The following DDX20 variants were observed in gnomAD, a reference collection of about 807,000 sequenced individuals.
DDX20 encodes the protein probable ATP-dependent RNA helicase DDX20.
DDX20 carries 61 observed loss-of-function variants against 76.4 expected under a neutral mutation model. That is an observed-to-expected ratio of 0.80 (90% CI 0.65 to 0.99). The LOEUF (loss-of-function observed/expected upper bound fraction) is 0.99. Among genes scored for constraint, DDX20 ranks in the 50% least tolerant of loss-of-function variants. DDX20 has a pLI of 0.00. For missense variants in DDX20, 976 were observed against 996.8 expected, an observed-to-expected ratio of 0.98 and a Z score of 0.28; for synonymous variants, 357 against 357.4, an observed-to-expected ratio of 1.00 and a Z score of 0.01.
chr1:111,756,277 C>T, intron 1 of DDX20, 52 bp downstream of exon 1: 2 of 1,361,330 alleles, frequency 1.5e-6, no homozygotes, highest in Non-Finnish European at 1.9e-6. Context: ...AGAAGGGGGA[C>T]CGACGGGCGG....
intron 10 of DDX20, 96 bp from the exon 11 acceptor site, chr1:111,765,641 T>A: frequency 1.9e-6 from 2 of 1,034,820 alleles, no homozygotes; most frequent in Non-Finnish European, 1.4e-6. Context: ...GTTTCTTAAA[T>A]GTATTTGATC....
At chr1:111,762,559 C>T (rs991526100) in intron 8 of DDX20, 118 bp from the exon 9 acceptor site, 7 of 941,748 alleles carry the variant, frequency 7.4e-6, no homozygotes, top group South Asian at 3.2e-5. Context: ...TTTTCCTCTG[C>T]TCCTCAGTAT....
chr1:111,756,659 A>G lies in DDX20; in HGVS notation c.315A>G (p.Gln105=), dbSNP rs1175215655. The G allele has an allele frequency of 3.1e-6, 5 of 1,613,998 alleles. No individual in the cohort carries two copies. Among genetic ancestry groups the G allele is most frequent in the Admixed American group, 3.3e-5 (2 of 60,008 alleles). The change falls in exon 2 of 11, where the codon CAA becomes CAG. Residue 105 remains glutamine, a synonymous_variant. Coordinates refer to ENST00000369702, the MANE Select transcript of DDX20 (RefSeq NM_007204.5). ...TTTCCTTCGCAGATTTAATTGTTCA[A>G]GCTAAATCTGGCACCGGGAAAACCT... ...LGRCGLDLIV[Q]AKSGTGKTCV... is the part of the protein sequence containing the mutation.
chr1:111,762,179 T>C, intron 7 of DDX20, 76 bp from the exon 8 acceptor site: 1 of 1,212,462 alleles, frequency 8.2e-7, no homozygotes, highest in South Asian at 1.3e-5. Context: ...GTGTTATGCT[T>C]TTTACTTTTT....
chr1:111,761,204 C>T, intron 6 of DDX20, 22 bp from the exon 7 acceptor site: 23 of 1,612,074 alleles, frequency 1.4e-5, no homozygotes, highest in Non-Finnish European at 2.0e-5. Context: ...AAATTTGTAA[C>T]CATTTATGTT....
Position 111,766,263 on chromosome 1 carries a change from C to T in DDX20, c.1839C>T (p.Ile613=). Residue 613 remains isoleucine, a synonymous_variant, in exon 11 of 11, where the codon ATC becomes ATT. Transcript: ENST00000369702. ...KEGLEKPVEI[I]RHYTGPGDQT... is the part of the protein sequence containing the mutation. The stretch of plus-strand genomic sequence containing the variant: ...GGTTAGAGAAACCTGTGGAAATCAT[C>T]AGGCACTACACAGGCCCTGGGGATC... 6.2e-7 allele frequency: 1 copy of T among 1,614,134 alleles called. No homozygotes were observed.
At position 111,759,710 on chromosome 1, in the gene DDX20, C is replaced by T. The variant is rs529750977; in HGVS notation, c.565+142C>T. ...GAAGAGCAGGCCGGGCGCGGTGGCT[C>T]ACGCCTGTAATCCCAGCACTTTGGG... On this transcript the variant is annotated intron_variant, in intron 3 of 10. Transcript: ENST00000369702. 26 of 888,476 alleles carry T rather than the reference C, an allele frequency of 2.9e-5. No homozygotes were observed. In the African/African-American group the frequency reaches 4.1e-4, roughly 14 times the overall value. The allele number at this position is 888,476 out of a possible 1,614,324, so 55.0% of individuals were successfully genotyped here.
At position 111,766,098 on chromosome 1, in the gene DDX20, C is replaced by CTGAA. The variant is rs1663772883; in HGVS notation, c.1674_1675insTGAA (p.Asn559Ter). 1 of 1,614,052 alleles carries CTGAA rather than the reference C, an allele frequency of 6.2e-7. No individual in the cohort carries two copies. The highest frequency in any genetic ancestry group is 8.5e-7 in the Non-Finnish European group (1 of 1,180,046). On this transcript the variant is annotated stop_gained and frameshift_variant, in exon 11 of 11. Coordinates refer to ENST00000369702, the MANE Select transcript of DDX20 (RefSeq NM_007204.5). LOFTEE classifies it high-confidence loss of function. Reference sequence around the variant, plus strand: ...TTCAGACTCCCGTTGAAAACTCCACCAACAGTCAGCACCAGGTCAAAGAAG... The same window carrying CTGAA: ...TTCAGACTCCCGTTGAAAACTCCACCTGAAAACAGTCAGCACCAGGTCAAAGAAG...
intron 3 of DDX20, among the ~76,000 whole-genome samples, chr1:111,760,146 A>G (rs1663642962): frequency 6.6e-6 from 1 of 152,180 alleles, no homozygotes; most frequent in Non-Finnish European, 1.5e-5. Flanking sequence ...AGGCCCTTCT[A>G]AGCCATGGAT....
intron 1 of DDX20, 98 bp from the exon 2 acceptor site, chr1:111,756,548 G>A (rs1663558762): frequency 1.0e-5 from 10 of 1,000,146 alleles, no homozygotes; most frequent in Non-Finnish European, 1.5e-5. Flanking sequence ...GCCAACTAGG[G>A]GAATCTCAGG....
Position 111,765,965 on chromosome 1 carries a change from A to G in DDX20, c.1541A>G (p.Gln514Arg), listed in dbSNP as rs766690097. ...GTCAAATCAAAAAATAATACCAAAC[A>G]AAAGCTTCCTGTGAAAAGCCACTCA... is the stretch of plus-strand genomic sequence containing the variant. ...LSVKSKNNTK[Q>R]KLPVKSHSEC... is the part of the protein sequence containing the mutation. Residue 514 changes from glutamine to arginine, a missense_variant, in exon 11 of 11, where the codon CAA (glutamine) becomes CGA (arginine). By Grantham distance (43) the Gln-to-Arg change is conservative. Transcript: ENST00000369702. The G allele has an allele frequency of 6.2e-7, 1 of 1,613,638 alleles. No individual in the cohort carries two copies. Among genetic ancestry groups the G allele is most frequent in the East Asian group, 2.2e-5 (1 of 44,886 alleles).
chr1:111,766,036 T>C lies in DDX20; in HGVS notation c.1612T>C (p.Cys538Arg), dbSNP rs553678470. Residue 538 changes from cysteine (C) to arginine (R), a missense_variant, in exon 11 of 11, where the codon TGT becomes CGT. Physicochemically the swap from Cys to Arg is radical, Grantham distance 180. Transcript: ENST00000369702. ...AGCAACGTCACCAAAAGAACTGGGCTGTGACAGGCAATCCGAAGAGCAAAT... is the reference window on the plus strand; with the variant it reads ...AGCAACGTCACCAAAAGAACTGGGCCGTGACAGGCAATCCGAAGAGCAAAT... Reference protein sequence around the residue: ...EKATSPKELGCDRQSEEQMKN... With the variant: ...EKATSPKELGRDRQSEEQMKN... The C allele has an allele frequency of 3.1e-6, 5 of 1,614,212 alleles. No homozygotes were observed. The highest frequency in any genetic ancestry group is 2.2e-5 in the East Asian group (1 of 44,892).
intron 7 of DDX20, chr1:111,761,494 G>A (rs576159003): frequency 7.6e-5 from 33 of 436,956 alleles, no homozygotes; most frequent in African/African-American, 6.5e-4. Flanking sequence ...ATAGTAAAAA[G>A]TTAGAAAACT....
rs943145666 is a variant in DDX20 at position 111,766,378 on chromosome 1, T to A, written c.1954T>A (p.Ser652Thr). Residue 652 changes from serine (S) to threonine (T), a missense_variant, in exon 11 of 11, where the codon TCT becomes ACT. Transcript: ENST00000369702. ...VLASSSQSGD[S>T]ESDSDSYSSR... ...GGCAAGTAGTAGCCAATCTGGAGAC[T>A]CTGAGAGTGACAGTGATTCTTACAG... is the stretch of plus-strand genomic sequence containing the variant. 6 of 1,614,058 alleles carry A rather than the reference T, an allele frequency of 3.7e-6. No homozygotes were observed. The Admixed American group carries it at 5.0e-5, about 13-fold the overall frequency.
chr1:111,765,411 G>A (rs1192415036), intron 10 of DDX20, among the ~76,000 whole-genome samples: 1 of 152,172 alleles, frequency 6.6e-6, no homozygotes, highest in Admixed American at 6.5e-5. Flanking sequence ...AGATAAAGGG[G>A]AGGGGCTGTG....
At position 111,767,139 on chromosome 1, in the gene DDX20, G is replaced by A. The variant is rs907585889; in HGVS notation, c.*240G>A. 6.0e-6 allele frequency: 2 copies of A among 333,646 alleles called. No individual in the cohort carries two copies. The highest frequency in any genetic ancestry group is 4.3e-5 in the African/African-American group (2 of 47,014). The allele number at this position is 333,646 out of a possible 1,614,324, so 20.7% of individuals were successfully genotyped here. ...ATCAGATTGTTGAAAGATAATTTTT[G>A]GGACATAGAGCTGAAAGTTTCAGGG... On this transcript the variant is annotated 3_prime_UTR_variant, in exon 11 of 11. Transcript: ENST00000369702.
At position 111,766,304 on chromosome 1, in the gene DDX20, A is replaced by C. The variant is rs1167299669; in HGVS notation, c.1880A>C (p.Gln627Pro). ...TGPGDQTVNP[Q>P]NGFVRNKVIE... ...CCTGGGGATCAGACTGTGAATCCTC[A>C]AAATGGTTTTGTGAGAAATAAAGTT... is the stretch of plus-strand genomic sequence containing the variant. Residue 627 changes from glutamine (Q) to proline (P), a missense_variant, in exon 11 of 11, where the codon CAA (glutamine) becomes CCA (proline). By Grantham distance (76) the Gln-to-Pro change is moderately conservative. Around this residue, in one of 3 missense-constraint regions of DDX20, gnomAD observed 630 missense variants for 693.7 expected, o/e 0.91. Transcript: ENST00000369702. 1 of 1,614,182 alleles carries C rather than the reference A, an allele frequency of 6.2e-7. No individual in the cohort carries two copies. Among genetic ancestry groups the C allele is most frequent in the Non-Finnish European group, 8.5e-7 (1 of 1,180,030 alleles).
At position 111,766,727 on chromosome 1, in the gene DDX20, A is replaced by T. The variant is rs1351425450; in HGVS notation, c.2303A>T (p.Asp768Val). 1.9e-6 allele frequency: 3 copies of T among 1,614,052 alleles called. No individual in the cohort carries two copies. Among genetic ancestry groups the T allele is most frequent in the Non-Finnish European group, 2.5e-6 (3 of 1,180,014 alleles). ...CHREIRLSFS[D>V]TYQDYEEYWR... ...AGGGAAATACGTCTGAGTTTTTCTG[A>T]TACCTATCAGGATTATGAGGAGTAC... Residue 768 changes from aspartate to valine, a missense_variant, in exon 11 of 11, where the codon GAT (aspartate) becomes GTT (valine). Asp to Val is a radical substitution (Grantham distance 152). Coordinates refer to ENST00000369702, the MANE Select transcript of DDX20 (RefSeq NM_007204.5).
chr1:111,763,128 T>A (rs1663708865), intron 10 of DDX20, 121 bp downstream of exon 10: 1 of 735,056 alleles, frequency 1.4e-6, no homozygotes. Flanking sequence ...GTCCTGTATG[T>A]ACGTTAACTC....
Sources: gnomAD v4.1 joint callset for allele counts (sites outside exome capture counted in the v4.1 genomes callset) on GRCh38, gnomAD v4.1.1 for gene constraint, gnomAD v4.1.1 regional missense constraint, MANE v1.5 for transcripts, NCBI Gene and HGNC (gene_info 2026-07-23, HGNC 2026-07-21) for gene names.